RBM20: variants seen among roughly 807,000 people sequenced by gnomAD.
RBM20 encodes RNA-binding protein 20.
Under a neutral mutation model 110.1 loss-of-function variants are expected in RBM20, and 51 were observed. The ratio of observed to expected loss-of-function variants is 0.46; its 90% CI spans 0.37 to 0.59. The LOEUF (loss-of-function observed/expected upper bound fraction) is 0.59. Ranked by LOEUF, RBM20 falls within the 20% of genes least tolerant of loss-of-function variation. The probability of loss-of-function intolerance (pLI) is 0.00; values close to 1 mark genes in which losing one functional copy is unlikely to be tolerated. For synonymous variants in RBM20, 589 were observed against 618.2 expected, an observed-to-expected ratio of 0.95 and a Z score of 0.70; for missense variants, 1,512 against 1,574.9, an observed-to-expected ratio of 0.96 and a Z score of 0.68.
At chr10:110,713,563 A>G (rs1447529177) in intron 1 of RBM20, among the ~76,000 whole-genome samples, 1 of 152,194 alleles carries the variant, frequency 6.6e-6, no homozygotes, top group African/African-American at 2.4e-5. Flanking sequence ...CAGTACTGCA[A>G]CTGGGTTTTT....
chr10:110,698,315 C>T (rs924537367), intron 1 of RBM20, among the ~76,000 whole-genome samples: 3 of 152,172 alleles, frequency 2.0e-5, no homozygotes, highest in African/African-American at 7.2e-5. Flanking sequence ...TGGCAGATAC[C>T]CAGGACACAC....
chr10:110,709,941 G>GT (rs1307349449), intron 1 of RBM20, among the ~76,000 whole-genome samples: 4 of 152,022 alleles, frequency 2.6e-5, no homozygotes, highest in Non-Finnish European at 4.4e-5. Context: ...CAGAATGTTT[G>GT]TTTTTTTAAA....
intron 12 of RBM20, among the ~76,000 whole-genome samples, chr10:110,824,221 G>C (rs933247368): frequency 6.6e-6 from 1 of 152,148 alleles, no homozygotes; most frequent in Non-Finnish European, 1.5e-5. Context: ...TGATGACATG[G>C]AGTCTTTAAG....
chr10:110,742,825 G>A lies in RBM20; in HGVS notation c.192-37976G>A, dbSNP rs189640529. 3.6e-3 allele frequency among the ~76,000 whole-genome samples: 545 copies of A among 152,296 alleles called. 2 individuals are homozygous for A. Among genetic ancestry groups the A allele is most frequent in the Admixed American group, 5.6e-3 (85 of 15,302 alleles). On this transcript the variant is annotated intron_variant, in intron 1 of 13. Coordinates refer to ENST00000369519, the MANE Select transcript of RBM20 (RefSeq NM_001134363.3). ...CAAAAGCTGCACAAAGCAGAGGCTC[G>A]GGTTCTTGAGTAGAGGGCTGATGCT...
At chr10:110,779,829 A>G (rs1024307983) in intron 1 of RBM20, among the ~76,000 whole-genome samples, 3 of 152,250 alleles carry the variant, frequency 2.0e-5, no homozygotes, top group African/African-American at 7.2e-5. Context: ...ATATTCAGAC[A>G]GGAAGACAAT....
At chr10:110,746,088 C>T (rs993724732) in intron 1 of RBM20, among the ~76,000 whole-genome samples, 6 of 152,086 alleles carry the variant, frequency 3.9e-5, no homozygotes, top group African/African-American at 7.2e-5. Context: ...GGTAGCGATT[C>T]GGCTGGAATT....
chr10:110,752,299 T>C (rs1843863910), intron 1 of RBM20, among the ~76,000 whole-genome samples: 1 of 152,256 alleles, frequency 6.6e-6, no homozygotes, highest in Non-Finnish European at 1.5e-5. Context: ...ATACAGTATA[T>C]GGCCTTTTCA....
At chr10:110,815,266 C>T (rs2135110456) in intron 9 of RBM20, among the ~76,000 whole-genome samples, 1 of 152,268 alleles carries the variant, frequency 6.6e-6, no homozygotes, top group Middle Eastern at 3.4e-3. Context: ...AATCAGATGC[C>T]CTGAAAGGAT....
chr10:110,830,559 G>A (rs375422317), intron 12 of RBM20, among the ~76,000 whole-genome samples: 1 of 151,962 alleles, frequency 6.6e-6, no homozygotes, highest in Non-Finnish European at 1.5e-5. Flanking sequence ...TTGGATTGGA[G>A]TGACTCTGGG....
Position 110,780,853 on chromosome 10 carries a change from C to A in RBM20, c.244C>A (p.Leu82Met). ...NPFSVSNPNP[L>M]LPSPASLQLA... is the part of the protein sequence containing the mutation. ...ATTCTCGGTCAGTAACCCGAACCCT[C>A]TGCTTCCTTCACCTGCCAGTCTCCA... is the stretch of plus-strand genomic sequence containing the variant. The change falls in exon 2 of 14, where the codon CTG (leucine) becomes ATG (methionine). Residue 82 changes from leucine (L) to methionine (M), a missense_variant. Around this residue, in one of 3 missense-constraint regions of RBM20, gnomAD observed 1,149 missense variants for 1,169.4 expected, o/e 0.98. Transcript: ENST00000369519. 1 of 1,548,708 alleles carries A rather than the reference C, an allele frequency of 6.5e-7. No individual in the cohort carries two copies. The highest frequency in any genetic ancestry group is 1.2e-5 in the South Asian group (1 of 83,912).
rs58202648 is a variant in RBM20, at chr10:110,803,812, C to CAAA, written c.1800+3919_1800+3921dup. ...TCTCCATTAAGCCTGTTGGCTTAAGCAAAAAAAAAAAAAAAAAAAAAAAAA... is the reference window on the plus strand; with the variant it reads ...TCTCCATTAAGCCTGTTGGCTTAAGCAAAAAAAAAAAAAAAAAAAAAAAAAAAA... On this transcript the variant is annotated intron_variant, in intron 7 of 13. Transcript: ENST00000369519. 2.6e-4 allele frequency among the ~76,000 whole-genome samples: 15 copies of CAAA among 57,184 alleles called. No homozygotes were observed. The East Asian group carries it at 2.8e-3, about 11-fold the overall frequency. The allele number at this position is 57,184 out of a possible 152,430, so 37.5% of individuals were successfully genotyped here.
chr10:110,753,084 G>A (rs891680763), intron 1 of RBM20, among the ~76,000 whole-genome samples: 11 of 150,980 alleles, frequency 7.3e-5, no homozygotes, highest in Non-Finnish European at 1.3e-4. Flanking sequence ...GATTGCAGGC[G>A]TGCGCCACCA....
At chr10:110,775,158 C>G (rs1166971840) in intron 1 of RBM20, among the ~76,000 whole-genome samples, 1 of 152,184 alleles carries the variant, frequency 6.6e-6, no homozygotes, top group East Asian at 1.9e-4. Context: ...TTCAGCGTTG[C>G]ATTTATTTGG....
chr10:110,806,263 G>A (rs917426177), intron 7 of RBM20, among the ~76,000 whole-genome samples: 11 of 120,214 alleles, frequency 9.2e-5, no homozygotes, highest in African/African-American at 3.4e-4. Flanking sequence ...GTGAGACTCC[G>A]TCTCAAAAAA....
chr10:110,668,193 C>A (rs913833210), intron 1 of RBM20, among the ~76,000 whole-genome samples: 1 of 152,062 alleles, frequency 6.6e-6, no homozygotes, highest in African/African-American at 2.4e-5. Flanking sequence ...CAATTACTGA[C>A]GTATGCCAAG....
At chr10:110,782,180 G>C (rs1017602325) in intron 2 of RBM20, among the ~76,000 whole-genome samples, 3 of 152,318 alleles carry the variant, frequency 2.0e-5, no homozygotes, top group African/African-American at 7.2e-5. Context: ...GAGAGAAGGG[G>C]CTCAGGAGTT....
intron 1 of RBM20, among the ~76,000 whole-genome samples, chr10:110,732,405 AT>A (rs1490177341): frequency 6.6e-6 from 1 of 152,088 alleles, no homozygotes; most frequent in Non-Finnish European, 1.5e-5. Flanking sequence ...CCTTTTAAGG[AT>A]TTAGGGGAAA....
intron 7 of RBM20, among the ~76,000 whole-genome samples, chr10:110,806,662 T>C (rs1166259404): frequency 1.3e-5 from 2 of 152,186 alleles, no homozygotes; most frequent in African/African-American, 4.8e-5. Context: ...GCAACAAGAT[T>C]AGTCATCATT....
intron 5 of RBM20, among the ~76,000 whole-genome samples, chr10:110,794,270 A>G (rs1421009388): frequency 6.6e-6 from 1 of 152,258 alleles, no homozygotes; most frequent in Non-Finnish European, 1.5e-5. Flanking sequence ...GAGTTCAACA[A>G]CAACCCAAAG....
Sources: allele counts gnomAD v4.1 joint callset (sites outside exome capture counted in the v4.1 genomes callset), GRCh38; gene constraint gnomAD v4.1.1; regional missense constraint gnomAD v4.1.1; transcripts MANE v1.5; gene names NCBI Gene and HGNC (gene_info 2026-07-23, HGNC 2026-07-21).